Variants in PLCXD3 observed in about 807,000 individuals in gnomAD.
PLCXD3 encodes PI-PLC X domain-containing protein 3.
A neutral mutation model predicts 25.5 loss-of-function variants in PLCXD3; 19 were observed. The ratio of observed to expected loss-of-function variants is 0.75; its 90% CI spans 0.52 to 1.09. The LOEUF is 1.09. Ranked by LOEUF, PLCXD3 falls within the 50% of genes least tolerant of loss-of-function variation. PLCXD3 has a pLI of 0.00. For missense variants in PLCXD3, 411 were observed against 388.1 expected, an observed-to-expected ratio of 1.06 and a Z score of -0.50; for synonymous variants, 174 against 137.6, an observed-to-expected ratio of 1.26 and a Z score of -1.85.
chr5:41,477,950 T>C (rs1021138200), intron 1 of PLCXD3, among the ~76,000 whole-genome samples: 2 of 151,626 alleles, frequency 1.3e-5, no homozygotes, highest in African/African-American at 4.9e-5. Context: ...CTGCCAGGAG[T>C]AGAGATTTTA....
intron 2 of PLCXD3, among the ~76,000 whole-genome samples, chr5:41,338,736 T>A (rs558366654): frequency 6.6e-6 from 1 of 152,258 alleles, no homozygotes; most frequent in South Asian, 2.1e-4. Context: ...ATAATTGATA[T>A]TCACATAACC....
At chr5:41,427,609 C>T (rs566922642) in intron 1 of PLCXD3, among the ~76,000 whole-genome samples, 2 of 152,214 alleles carry the variant, frequency 1.3e-5, no homozygotes, top group Admixed American at 6.5e-5. Flanking sequence ...CAGTCTGCTG[C>T]CTAATATTCA....
intron 2 of PLCXD3, among the ~76,000 whole-genome samples, chr5:41,336,904 C>G (rs568345237): frequency 6.6e-6 from 1 of 152,126 alleles, no homozygotes; most frequent in East Asian, 1.9e-4. Context: ...ACCTTCTGCA[C>G]ACAAATCTTG....
At chr5:41,446,877 T>G (rs550479485) in intron 1 of PLCXD3, among the ~76,000 whole-genome samples, 1 of 152,234 alleles carries the variant, frequency 6.6e-6, no homozygotes, top group African/African-American at 2.4e-5. Context: ...GCTTTTTAAT[T>G]TAGATACCCG....
At chr5:41,367,729 A>G (rs888023900) in intron 2 of PLCXD3, among the ~76,000 whole-genome samples, 3 of 152,092 alleles carry the variant, frequency 2.0e-5, no homozygotes, top group Admixed American at 6.6e-5. Context: ...CTATATCCTG[A>G]ATGGTATTGC....
At position 41,381,896 on chromosome 5, in the gene PLCXD3, C is replaced by T. The variant is rs200047148; in HGVS notation, c.742G>A (p.Val248Met). The change falls in exon 2 of 3, where the codon GTG (valine) becomes ATG (methionine). Residue 248 changes from valine to methionine, a missense_variant. Physicochemically the swap from Val to Met is conservative, Grantham distance 21. Coordinates refer to ENST00000377801, the MANE Select transcript of PLCXD3 (RefSeq NM_001005473.3). ...ACAGTGCTAGCTTTGGGGGTCAGCACCACCTGAGATATAAAAAACGATCCC... is the reference window on the plus strand; with the variant it reads ...ACAGTGCTAGCTTTGGGGGTCAGCATCACCTGAGATATAAAAAACGATCCC... ...KKGSFFISQVVLTPKASTVVK... is the reference protein window; with the variant it reads ...KKGSFFISQVMLTPKASTVVK... The T allele has an allele frequency of 6.2e-7, 1 of 1,613,228 alleles. No homozygotes were observed. Among genetic ancestry groups the T allele is most frequent in the Admixed American group, 1.7e-5 (1 of 59,910 alleles).
chr5:41,431,915 A>G (rs1223402400), intron 1 of PLCXD3, among the ~76,000 whole-genome samples: 2 of 152,162 alleles, frequency 1.3e-5, no homozygotes, highest in Non-Finnish European at 2.9e-5. Context: ...GATAGGTGCT[A>G]GGCCCATGAG....
intron 2 of PLCXD3, among the ~76,000 whole-genome samples, chr5:41,326,984 G>A (rs1743645705): frequency 6.6e-6 from 1 of 152,116 alleles, no homozygotes; most frequent in African/African-American, 2.4e-5. Flanking sequence ...ATAGAAGTGG[G>A]CATAGGATTC....
chr5:41,484,335 C>G (rs180913769), intron 1 of PLCXD3, among the ~76,000 whole-genome samples: 1 of 151,932 alleles, frequency 6.6e-6, no homozygotes, highest in East Asian at 1.9e-4. Flanking sequence ...AATAGGTAAG[C>G]CATGTTTAAG....
At chr5:41,450,011 A>G (rs1346363118) in intron 1 of PLCXD3, among the ~76,000 whole-genome samples, 2 of 152,150 alleles carry the variant, frequency 1.3e-5, no homozygotes, top group East Asian at 3.9e-4. Flanking sequence ...CTGGAGTAGT[A>G]CACAAGAGAA....
chr5:41,365,900 A>C (rs908363118), intron 2 of PLCXD3, among the ~76,000 whole-genome samples: 4 of 151,208 alleles, frequency 2.6e-5, no homozygotes, highest in African/African-American at 9.7e-5. Context: ...CCTTGTTCTC[A>C]ATAGGTCACC....
intron 1 of PLCXD3, among the ~76,000 whole-genome samples, chr5:41,462,520 A>G (rs1167563328): frequency 2.6e-5 from 4 of 152,026 alleles, no homozygotes; most frequent in Non-Finnish European, 5.9e-5. Flanking sequence ...AAGTGAGTAG[A>G]GGGCCCAGGA....
chr5:41,412,998 C>T (rs112475374), intron 1 of PLCXD3, among the ~76,000 whole-genome samples: 1 of 152,094 alleles, frequency 6.6e-6, no homozygotes, highest in Non-Finnish European at 1.5e-5. Context: ...AAAGAAGTAA[C>T]GACATGACAA....
chr5:41,318,801 C>T (rs1410511404), intron 2 of PLCXD3, among the ~76,000 whole-genome samples: 1 of 151,920 alleles, frequency 6.6e-6, no homozygotes, highest in East Asian at 1.9e-4. Flanking sequence ...AAGACATAGC[C>T]TGGCTTAGTG....
chr5:41,391,067 C>A (rs1185956771), intron 1 of PLCXD3, among the ~76,000 whole-genome samples: 1 of 152,182 alleles, frequency 6.6e-6, no homozygotes, highest in Non-Finnish European at 1.5e-5. Context: ...CCAAACTTGA[C>A]TGCCTGCAAA....
intron 1 of PLCXD3, among the ~76,000 whole-genome samples, chr5:41,389,821 C>T (rs914143891): frequency 2.6e-5 from 4 of 152,094 alleles, no homozygotes; most frequent in Admixed American, 2.6e-4. Flanking sequence ...GAATTTTTTA[C>T]ATTGACATGT....
chr5:41,499,604 A>G (rs1037956939), intron 1 of PLCXD3, among the ~76,000 whole-genome samples: 2 of 151,832 alleles, frequency 1.3e-5, no homozygotes, highest in African/African-American at 4.8e-5. Context: ...AATCTTTATC[A>G]AAACCTGCTG....
intron 1 of PLCXD3, among the ~76,000 whole-genome samples, chr5:41,467,481 A>G (rs1748044633): frequency 6.6e-6 from 1 of 151,956 alleles, no homozygotes; most frequent in African/African-American, 2.4e-5. Flanking sequence ...ATTTGCAAGT[A>G]TTTTCTCCCA....
intron 2 of PLCXD3, among the ~76,000 whole-genome samples, chr5:41,317,517 A>G (rs1176895004): frequency 6.6e-6 from 1 of 152,128 alleles, no homozygotes; most frequent in African/African-American, 2.4e-5. Flanking sequence ...TATGAACTAA[A>G]TAAGGCACCA....
Sources: allele counts gnomAD v4.1 joint callset (sites outside exome capture counted in the v4.1 genomes callset), GRCh38; gene constraint gnomAD v4.1.1; transcripts MANE v1.5; gene names NCBI Gene and HGNC (gene_info 2026-07-23, HGNC 2026-07-21).